Variants in CNIH3 observed in about 807,000 individuals in gnomAD.
CNIH3 encodes the protein protein cornichon homolog 3.
A neutral mutation model predicts 24.1 loss-of-function variants in CNIH3; 14 were observed. The observed-to-expected ratio is 0.58, with a 90% confidence interval of 0.38 to 0.91. The LOEUF (loss-of-function observed/expected upper bound fraction) is 0.91. Among genes scored for constraint, CNIH3 ranks in the 40% least tolerant of loss-of-function variants. The pLI is 0.00. For missense variants in CNIH3, 178 were observed against 196.8 expected, an observed-to-expected ratio of 0.90 and a Z score of 0.57; for synonymous variants, 68 against 73.8, an observed-to-expected ratio of 0.92 and a Z score of 0.40.
Position 224,684,162 on chromosome 1 carries a change from C to A in CNIH3, c.151-634C>A, listed in dbSNP as rs181358257. On this transcript the variant is annotated intron_variant, in intron 2 of 5. Coordinates refer to ENST00000272133, the MANE Select transcript of CNIH3 (RefSeq NM_152495.2). This position sits in a 1 kb window ranked among gnomAD's most constrained non-coding sequence, Gnocchi z 4.2. ...AGGCAACGGCATTTAGTGCACGATG[C>A]GGGCATCATCACCTGCCCAGCCACG... Among the ~76,000 whole-genome samples the A allele has an allele frequency of 1.3e-5, 2 of 152,164 alleles. No homozygotes were observed. Among genetic ancestry groups the A allele is most frequent in the African/African-American group, 4.8e-5 (2 of 41,422 alleles).
At chr1:224,553,019 A>G (rs1679988945) in intron 3 of CNIH3, among the ~76,000 whole-genome samples, 2 of 150,372 alleles carry the variant, frequency 1.3e-5, no homozygotes, top group Non-Finnish European at 3.0e-5. Flanking sequence ...GGAGCAATAC[A>G]TCTCCCTTAG....
rs545099699 is a variant in CNIH3 at position 224,588,303 on chromosome 1, T to A, written n.621-58T>A. 170 of 152,360 alleles carry A rather than the reference T, an allele frequency of 1.1e-3. 2 individuals are homozygous for A. Among genetic ancestry groups the A allele is most frequent in the African/African-American group, 3.9e-3 (162 of 41,586 alleles). The allele number at this position is 152,360 out of a possible 1,614,324, so 9.4% of individuals were successfully genotyped here. A position where few individuals can be genotyped will look rare whatever the true frequency, so the allele number is the denominator to read the frequency against. ...AAATTCAGAATGTATGAATAATTTT[T>A]AAAATTTTTCCTCAATAGCTTTCTT... On this transcript the variant is annotated intron_variant and non_coding_transcript_variant, in intron 5 of 5. Transcript: ENST00000471578.
intron 5 of CNIH3, among the ~76,000 whole-genome samples, chr1:224,736,107 C>T (rs1219434131): frequency 2.0e-5 from 3 of 152,184 alleles, no homozygotes; most frequent in Non-Finnish European, 2.9e-5. Flanking sequence ...ATCTTGAGTC[C>T]GATTTCAAAG....
At chr1:224,709,494 C>T (rs1185405207) in intron 3 of CNIH3, among the ~76,000 whole-genome samples, 1 of 152,178 alleles carries the variant, frequency 6.6e-6, no homozygotes, top group African/African-American at 2.4e-5. Context: ...TGGCAGGACT[C>T]CAGCACCTTC....
rs150343804 is a variant in CNIH3 at position 224,498,088 on chromosome 1, G to A, written n.204-17653G>A. 2.6e-5 allele frequency among the ~76,000 whole-genome samples: 4 copies of A among 152,292 alleles called. No homozygotes were observed. In the East Asian group the frequency reaches 7.7e-4, roughly 29 times the overall value. ...GAGAGGGGGAAGTTATTCTGCAGCA[G>A]CAGTGCCTTCCTGGGCATCCTGAAA... On this transcript the variant is annotated intron_variant and non_coding_transcript_variant, in intron 1 of 5. Transcript: ENST00000471578.
chr1:224,491,381 G>A (rs1558104161), intron 1 of CNIH3, among the ~76,000 whole-genome samples: 1 of 152,114 alleles, frequency 6.6e-6, no homozygotes, highest in Non-Finnish European at 1.5e-5. Flanking sequence ...TGGCTTGCAA[G>A]AACTGATTGT....
chr1:224,617,587 A>G (rs1247069675), intron 1 of CNIH3, among the ~76,000 whole-genome samples: 1 of 152,206 alleles, frequency 6.6e-6, no homozygotes, highest in Non-Finnish European at 1.5e-5. Flanking sequence ...GCGGGAGGCG[A>G]AGGAGAAGCG....
intron 1 of CNIH3, among the ~76,000 whole-genome samples, chr1:224,501,456 C>T (rs867400294): frequency 1.3e-5 from 2 of 150,566 alleles, no homozygotes; most frequent in African/African-American, 4.9e-5. Context: ...GTGATATAAG[C>T]GAATTGCCCA....
chr1:224,514,701 C>G (rs146724564), upstream of CNIH3, among the ~76,000 whole-genome samples: 3,767 of 152,028 alleles, frequency 0.025, 159 homozygotes, highest in African/African-American at 0.086. Context: ...TGTGGTGGTG[C>G]GAGCCTGTAG....
At chr1:224,497,344 A>G (rs374966394) in intron 1 of CNIH3, among the ~76,000 whole-genome samples, 3 of 152,240 alleles carry the variant, frequency 2.0e-5, no homozygotes, top group Admixed American at 2.0e-4. Context: ...ACTGAACTGT[A>G]TACTTTAACA....
At chr1:224,711,972 G>T (rs1159252900) in intron 3 of CNIH3, among the ~76,000 whole-genome samples, 1 of 152,088 alleles carries the variant, frequency 6.6e-6, no homozygotes, top group African/African-American at 2.4e-5. Context: ...TGCTGCATCA[G>T]GTCCCAACTC....
chr1:224,730,230 A>C, intron 3 of CNIH3: 1 of 491,124 alleles, frequency 2.0e-6, no homozygotes, highest in Non-Finnish European at 3.7e-6. Context: ...TAAGCAGTGC[A>C]CTGAGGGCTT....
chr1:224,590,385 G>A (rs1248790298), downstream of CNIH3, among the ~76,000 whole-genome samples: 2 of 152,184 alleles, frequency 1.3e-5, no homozygotes, highest in African/African-American at 4.8e-5. Context: ...GAGCATGGAT[G>A]TGTATGTATG....
chr1:224,677,534 A>G (rs900200741), intron 1 of CNIH3, among the ~76,000 whole-genome samples: 4 of 152,240 alleles, frequency 2.6e-5, no homozygotes, highest in Admixed American at 2.0e-4. Flanking sequence ...GAAAGCACCC[A>G]TGAAGGACCT....
intron 1 of CNIH3, among the ~76,000 whole-genome samples, chr1:224,657,988 A>G (rs1224939460): frequency 6.6e-6 from 1 of 152,224 alleles, no homozygotes; most frequent in Non-Finnish European, 1.5e-5. Context: ...TGATTTTTGA[A>G]TATACATTAA....
chr1:224,616,850 A>G lies in CNIH3; in HGVS notation c.-325A>G. 5 of 1,143,032 alleles carry G rather than the reference A, an allele frequency of 4.4e-6. No homozygotes were observed. The highest frequency in any genetic ancestry group is 7.1e-5 in the South Asian group (2 of 28,336). 70.8% of individuals were successfully genotyped at this position (1,143,032 alleles called of 1,614,324 possible). ...CGCATCGCTTGTCGTGTTGGTCTCG[A>G]GGGGCTCACAGCTTGGCACTAATTT... is the stretch of plus-strand genomic sequence containing the variant. On this transcript the variant is annotated 5_prime_UTR_variant, in exon 1 of 6. Coordinates refer to ENST00000272133, the MANE Select transcript of CNIH3 (RefSeq NM_152495.2).
intron 1 of CNIH3, among the ~76,000 whole-genome samples, chr1:224,480,090 T>C (rs930529951): frequency 6.6e-6 from 1 of 152,238 alleles, no homozygotes; most frequent in Non-Finnish European, 1.5e-5. Flanking sequence ...TTCTGAAATC[T>C]AGGTGGAGGT....
At chr1:224,528,957 A>G (rs1374567998) in intron 2 of CNIH3, among the ~76,000 whole-genome samples, 2 of 152,228 alleles carry the variant, frequency 1.3e-5, no homozygotes, top group Non-Finnish European at 2.9e-5. Context: ...TCTTCCTGAC[A>G]GCCCTTGCCC....
downstream of CNIH3, among the ~76,000 whole-genome samples, chr1:224,593,591 A>G (rs539037169): frequency 6.6e-6 from 1 of 152,342 alleles, no homozygotes; most frequent in East Asian, 1.9e-4. Context: ...AATATTTGAG[A>G]TAATGTTTAT....
Sources: allele counts gnomAD v4.1 joint callset (sites outside exome capture counted in the v4.1 genomes callset), GRCh38; gene constraint gnomAD v4.1.1; non-coding constraint Gnocchi (gnomAD v3.1); transcripts MANE v1.5; gene names NCBI Gene and HGNC (gene_info 2026-07-23, HGNC 2026-07-21).